TRAPPC8: variants seen among roughly 807,000 people sequenced by gnomAD.
TRAPPC8 encodes general sporulation gene 1 homolog.
In TRAPPC8, 54 loss-of-function variants were observed where a neutral mutation model predicts 174.3. The ratio of observed to expected loss-of-function variants is 0.31; its 90% CI spans 0.25 to 0.39. The LOEUF is 0.39. TRAPPC8 is among the 10% of genes least tolerant of loss of function. The probability of loss-of-function intolerance (pLI) is 1.00; values close to 1 mark genes in which losing one functional copy is unlikely to be tolerated. For synonymous variants in TRAPPC8, 630 were observed against 579.9 expected (o/e 1.09, Z -1.24); for missense variants, 1,531 against 1,699.1 (o/e 0.90, Z 1.74).
chr18:31,843,592 A>G (rs866407381), intron 26 of TRAPPC8, among the ~76,000 whole-genome samples: 2 of 152,230 alleles, frequency 1.3e-5, no homozygotes, highest in Non-Finnish European at 1.5e-5. Context: ...TGAGCCACTC[A>G]TATCTGGTTA....
chr18:31,871,266 C>G (rs1598639837), intron 14 of TRAPPC8, 146 bp from the exon 15 acceptor site: 1 of 444,212 alleles, frequency 2.3e-6, no homozygotes, highest in Non-Finnish European at 3.8e-6. Flanking sequence ...AAAATATCCT[C>G]TCATTAATCC....
chr18:31,917,884 G>A (rs1370867658), intron 2 of TRAPPC8, among the ~76,000 whole-genome samples: 2 of 152,164 alleles, frequency 1.3e-5, no homozygotes, highest in South Asian at 2.1e-4. Context: ...AGCACTTTGG[G>A]AGGCCAAGGT....
intron 12 of TRAPPC8, among the ~76,000 whole-genome samples, chr18:31,878,033 C>A (rs974336827): frequency 2.6e-5 from 4 of 152,046 alleles, no homozygotes; most frequent in Admixed American, 6.6e-5. Context: ...GGTGGACAAG[C>A]TGCAAAGCTG....
chr18:31,850,536 A>G lies in TRAPPC8; in HGVS notation c.3562-797T>C, dbSNP rs147789699. On this transcript the variant is annotated intron_variant, in intron 24 of 28. Coordinates refer to ENST00000283351, the MANE Select transcript of TRAPPC8 (RefSeq NM_014939.5). Reference sequence around the variant, plus strand: ...AAGAATTTTAAATGGACTCAATTACAGGATTTCCCTTAACTAATGAATATT... The same window carrying G: ...AAGAATTTTAAATGGACTCAATTACGGGATTTCCCTTAACTAATGAATATT... 6.6e-5 allele frequency among the ~76,000 whole-genome samples: 10 copies of G among 152,346 alleles called. No individual in the cohort carries two copies. The South Asian group carries it at 1.7e-3, about 25-fold the overall frequency.
At chr18:31,886,815 T>C (rs868237112) in intron 12 of TRAPPC8, among the ~76,000 whole-genome samples, 1 of 152,184 alleles carries the variant, frequency 6.6e-6, no homozygotes, top group Middle Eastern at 3.4e-3. Flanking sequence ...ACCACGTCTC[T>C]ACTAAAAACA....
chr18:31,873,007 CTTTTTTTTTT>C (rs59209328), intron 14 of TRAPPC8, among the ~76,000 whole-genome samples: 20 of 74,600 alleles, frequency 2.7e-4, no homozygotes, highest in Admixed American at 1.9e-3. Context: ...ATTCATTTTC[CTTTTTTTTTT>C]TTTTTTTTTT....
Position 31,830,634 on chromosome 18 carries a change from G to C in TRAPPC8, c.*121C>G, listed in dbSNP as rs1248824070. 2.6e-6 allele frequency: 2 copies of C among 775,640 alleles called. No individual in the cohort carries two copies. Among genetic ancestry groups the C allele is most frequent in the Non-Finnish European group, 2.0e-6 (1 of 494,570 alleles). 48.0% of individuals were successfully genotyped at this position (775,640 alleles called of 1,614,324 possible). A position where few individuals can be genotyped will look rare whatever the true frequency, so the allele number is the denominator to read the frequency against. On this transcript the variant is annotated 3_prime_UTR_variant, in exon 29 of 29. Coordinates refer to ENST00000283351, the MANE Select transcript of TRAPPC8 (RefSeq NM_014939.5). ...ATCATCAACAAAATGACAAGTCAAA[G>C]TATTTTGCAGGGATCAGATATCAAT...
intron 2 of TRAPPC8, among the ~76,000 whole-genome samples, chr18:31,925,616 G>C (rs1249339738): frequency 2.0e-5 from 3 of 152,142 alleles, no homozygotes; most frequent in Non-Finnish European, 4.4e-5. Context: ...CAGTTTCTCA[G>C]GGCTAAAAAG....
At chr18:31,846,179 T>G (rs1179203187) in intron 26 of TRAPPC8, among the ~76,000 whole-genome samples, 1 of 152,318 alleles carries the variant, frequency 6.6e-6, no homozygotes, top group East Asian at 1.9e-4. Flanking sequence ...TGCATCTTAA[T>G]ACTCTGATAA....
At chr18:31,901,115 G>GTT (rs3833187) in intron 9 of TRAPPC8, 90 bp from the exon 10 acceptor site, 6,668 of 960,548 alleles carry the variant, frequency 6.9e-3, no homozygotes, top group South Asian at 0.023. Flanking sequence ...GAAATTTGCT[G>GTT]TTTTTTTTTT....
chr18:31,867,582 C>T, intron 16 of TRAPPC8, 106 bp from the exon 17 acceptor site: 1 of 802,750 alleles, frequency 1.2e-6, no homozygotes, highest in Non-Finnish European at 2.0e-6. Context: ...TTAAAGTCTG[C>T]ATTTACTTGG....
chr18:31,872,466 G>A (rs1407353544), intron 14 of TRAPPC8, among the ~76,000 whole-genome samples: 1 of 151,220 alleles, frequency 6.6e-6, no homozygotes. Context: ...AGACAGTCTT[G>A]CTGGAGCGCA....
At chr18:31,942,097 T>C (rs114883431) in intron 1 of TRAPPC8, among the ~76,000 whole-genome samples, 1,660 of 152,312 alleles carry the variant, frequency 0.011, 30 homozygotes, top group African/African-American at 0.038. Context: ...TAAGAATATA[T>C]TAGTAAAACA....
chr18:31,901,388 G>A (rs75817915), intron 9 of TRAPPC8, among the ~76,000 whole-genome samples: 9,029 of 152,232 alleles, frequency 0.059, 282 homozygotes, highest in Middle Eastern at 0.11. Flanking sequence ...TTAAAGACTA[G>A]TGGATCCTTG....
intron 12 of TRAPPC8, among the ~76,000 whole-genome samples, chr18:31,890,311 A>G (rs2035899775): frequency 6.6e-6 from 1 of 152,206 alleles, no homozygotes; most frequent in Non-Finnish European, 1.5e-5. Context: ...TACATTAAGT[A>G]TTTAGTCAAT....
intron 28 of TRAPPC8, 93 bp from the exon 29 acceptor site, chr18:31,831,082 G>A (rs1299027247): frequency 1.6e-5 from 17 of 1,055,058 alleles, no homozygotes; most frequent in Non-Finnish European, 4.1e-6. Flanking sequence ...GCTGGGCGCG[G>A]TGGCTCACGC....
At chr18:31,874,248 G>T in intron 13 of TRAPPC8, 1 of 476,604 alleles carries the variant, frequency 2.1e-6, no homozygotes, top group Non-Finnish European at 3.7e-6. Context: ...AAGATTCTAA[G>T]AACAGCCACA....
chr18:31,834,086 T>TTGG (rs2032558401), intron 27 of TRAPPC8, among the ~76,000 whole-genome samples: 3 of 124,056 alleles, frequency 2.4e-5, no homozygotes, highest in Admixed American at 7.5e-5. Flanking sequence ...GGATCACATT[T>TTGG]TGGTTGTTGT....
chr18:31,869,907 C>T (rs1276836758), intron 16 of TRAPPC8: 1 of 152,160 alleles, frequency 6.6e-6, no homozygotes, highest in African/African-American at 2.4e-5. Flanking sequence ...GCTTGGACAA[C>T]ATGGTGAAAC....
Sources: gnomAD v4.1 joint callset for allele counts (sites outside exome capture counted in the v4.1 genomes callset) on GRCh38, gnomAD v4.1.1 for gene constraint, MANE v1.5 for transcripts, NCBI Gene and HGNC (gene_info 2026-07-23, HGNC 2026-07-21) for gene names.